Variants in INPP4B observed in about 807,000 individuals in gnomAD.
INPP4B encodes inositol polyphosphate-4-phosphatase type II B, also known as inositol polyphosphate 4-phosphatase type II.
In INPP4B, 55 loss-of-function variants were observed where a neutral mutation model predicts 122.5. The observed-to-expected ratio is 0.45, with a 90% CI of 0.36 to 0.56. INPP4B has a LOEUF of 0.56. Among genes scored for constraint, INPP4B ranks in the 20% least tolerant of loss-of-function variants. INPP4B has a pLI of 0.00. For missense variants in INPP4B, 1,000 were observed against 1,097.7 expected (o/e 0.91, Z 1.26); for synonymous variants, 403 against 388.7 (o/e 1.04, Z -0.43).
chr4:142,460,761 TAA>T (rs764416034), intron 3 of INPP4B, among the ~76,000 whole-genome samples: 1 of 152,164 alleles, frequency 6.6e-6, no homozygotes, highest in Non-Finnish European at 1.5e-5. Flanking sequence ...TGAATTGGTC[TAA>T]AAAAGTCGAT....
chr4:142,632,949 A>G (rs1391096899), intron 2 of INPP4B, among the ~76,000 whole-genome samples: 1 of 151,800 alleles, frequency 6.6e-6, no homozygotes, highest in Non-Finnish European at 1.5e-5. Context: ...ATAAACATAA[A>G]CAGGTTGGAT....
At chr4:142,781,716 T>C (rs963388228) in intron 1 of INPP4B, among the ~76,000 whole-genome samples, 2 of 152,202 alleles carry the variant, frequency 1.3e-5, no homozygotes, top group Admixed American at 6.5e-5. Flanking sequence ...TAAATCTTTA[T>C]AAATTAGGAT....
chr4:142,344,568 G>C (rs1308569435), intron 7 of INPP4B, among the ~76,000 whole-genome samples: 11 of 151,992 alleles, frequency 7.2e-5, no homozygotes, highest in African/African-American at 2.7e-4. Context: ...TTTTCCAGCT[G>C]TACACTTTTC....
chr4:142,029,016 CAA>C lies in INPP4B; in HGVS notation c.2643-104_2643-103del, dbSNP rs372158601. 162 of 1,459,572 alleles carry C rather than the reference CAA, an allele frequency of 1.1e-4. No homozygotes were observed. The South Asian group carries it at 2.2e-3, about 20-fold the overall frequency. The allele number at this position is 1,459,572 out of a possible 1,614,324, so 90.4% of individuals were successfully genotyped here. A position where few individuals can be genotyped will look rare whatever the true frequency, so the allele number is the denominator to read the frequency against. On this transcript the variant is annotated intron_variant, in intron 25 of 25. Coordinates refer to ENST00000262992, the MANE Select transcript of INPP4B (RefSeq NM_001101669.3). Reference sequence around the variant, plus strand: ...GCAGCAACCATCCAAGTAAAAATAACAAAGATTCAACTCTACATTTTTTTTTT... The same window carrying C: ...GCAGCAACCATCCAAGTAAAAATAACAGATTCAACTCTACATTTTTTTTTT...
chr4:142,042,377 T>A (rs1397735), intron 25 of INPP4B, among the ~76,000 whole-genome samples: 127,712 of 152,096 alleles, frequency 0.84, 55,509 homozygotes, highest in South Asian at 0.94. Context: ...AATCTTTTCA[T>A]CTGCTCATCA....
chr4:142,488,945 A>T (rs1436128373), intron 2 of INPP4B, among the ~76,000 whole-genome samples: 13 of 152,054 alleles, frequency 8.5e-5, no homozygotes, highest in Admixed American at 8.5e-4. Flanking sequence ...GTGAAAACTT[A>T]GTTAACTAAT....
chr4:142,537,400 GTATATATATA>G (rs34425745), intron 2 of INPP4B, among the ~76,000 whole-genome samples: 46 of 32,984 alleles, frequency 1.4e-3, no homozygotes, highest in South Asian at 2.8e-3. Flanking sequence ...TTTACATACA[GTATATATATA>G]TATATATATA....
intron 23 of INPP4B, among the ~76,000 whole-genome samples, chr4:142,087,531 T>C (rs1265702280): frequency 6.6e-6 from 1 of 152,160 alleles, no homozygotes; most frequent in Non-Finnish European, 1.5e-5. Flanking sequence ...GAAAATACAC[T>C]CTACTGTTGA....
At chr4:142,552,009 G>A (rs1174484242) in intron 2 of INPP4B, among the ~76,000 whole-genome samples, 1 of 152,138 alleles carries the variant, frequency 6.6e-6, no homozygotes, top group Admixed American at 6.6e-5. Flanking sequence ...TAAATGTCAA[G>A]TGGCGGGGGA....
At chr4:142,796,104 G>T (rs548233769) in intron 1 of INPP4B, among the ~76,000 whole-genome samples, 4 of 152,094 alleles carry the variant, frequency 2.6e-5, no homozygotes, top group Non-Finnish European at 5.9e-5. Flanking sequence ...TAAATGTGAG[G>T]ATCTTGAAGA....
At chr4:142,840,823 TA>T in intron 1 of INPP4B, among the ~76,000 whole-genome samples, 1 of 152,206 alleles carries the variant, frequency 6.6e-6, no homozygotes, top group East Asian at 1.9e-4. Flanking sequence ...ACAACAGGTC[TA>T]AAATACTTTA....
intron 17 of INPP4B, among the ~76,000 whole-genome samples, chr4:142,157,828 C>T (rs1385246633): frequency 6.6e-6 from 1 of 152,066 alleles, no homozygotes; most frequent in Non-Finnish European, 1.5e-5. Context: ...GTACTCATTT[C>T]TTCGGTGCCT....
At chr4:142,584,188 G>A (rs1735681277) in intron 2 of INPP4B, among the ~76,000 whole-genome samples, 1 of 151,860 alleles carries the variant, frequency 6.6e-6, no homozygotes, top group African/African-American at 2.4e-5. Context: ...TTTTAGAGCA[G>A]TTCTAGATAG....
chr4:142,500,426 A>G (rs1254722997), intron 2 of INPP4B, among the ~76,000 whole-genome samples: 2 of 151,824 alleles, frequency 1.3e-5, no homozygotes, highest in African/African-American at 2.4e-5. Context: ...TTCTTTCTCT[A>G]CTCCTTTGAG....
At chr4:142,773,640 A>G (rs1384420661) in intron 1 of INPP4B, among the ~76,000 whole-genome samples, 1 of 152,230 alleles carries the variant, frequency 6.6e-6, no homozygotes, top group East Asian at 1.9e-4. Flanking sequence ...GATGTGTTAT[A>G]AGACATCATA....
intron 7 of INPP4B, among the ~76,000 whole-genome samples, chr4:142,377,444 T>A (rs1377770736): frequency 6.6e-6 from 1 of 152,046 alleles, no homozygotes; most frequent in Admixed American, 6.6e-5. Flanking sequence ...TCAAACTGGA[T>A]GACGACTCAG....
intron 12 of INPP4B, among the ~76,000 whole-genome samples, chr4:142,234,213 C>A (rs967858550): frequency 6.6e-6 from 1 of 152,184 alleles, no homozygotes; most frequent in Non-Finnish European, 1.5e-5. Flanking sequence ...GCACATCTAA[C>A]ATCTTTTCTC....
At chr4:142,286,945 A>G (rs1381526735) in intron 9 of INPP4B, 3 of 152,196 alleles carry the variant, frequency 2.0e-5, no homozygotes, top group Non-Finnish European at 1.5e-5. Context: ...CTGAGCTATG[A>G]GGACACTTGC....
chr4:142,706,698 C>A (rs1350989158), intron 2 of INPP4B, among the ~76,000 whole-genome samples: 1 of 152,246 alleles, frequency 6.6e-6, no homozygotes, highest in Non-Finnish European at 1.5e-5. Flanking sequence ...AGGGATCTCA[C>A]ATTCATACAC....
Sources: allele counts gnomAD v4.1 joint callset (sites outside exome capture counted in the v4.1 genomes callset), GRCh38; gene constraint gnomAD v4.1.1; transcripts MANE v1.5; gene names NCBI Gene and HGNC (gene_info 2026-07-23, HGNC 2026-07-21).